Variants in TTC28 observed in about 807,000 individuals in gnomAD.
TTC28 encodes tetratricopeptide repeat protein 28.
Under a neutral mutation model 198.0 loss-of-function variants are expected in TTC28, and 61 were observed. The ratio of observed to expected loss-of-function variants is 0.31; its 90% CI spans 0.25 to 0.38. The LOEUF (loss-of-function observed/expected upper bound fraction) is 0.38, where lower values mean the gene tolerates loss of function less well. Ranked by LOEUF, TTC28 falls within the 10% of genes least tolerant of loss-of-function variation. The pLI, the probability that TTC28 is intolerant of heterozygous loss-of-function variation, is 1.00. For synonymous variants in TTC28, 1,171 were observed against 1,297.8 expected (o/e 0.90, Z 2.10); for missense variants, 2,678 against 3,164.0 (o/e 0.85, Z 3.69).
chr22:28,226,403 C>CT (rs1456978156), intron 5 of TTC28, among the ~76,000 whole-genome samples: 5 of 151,948 alleles, frequency 3.3e-5, no homozygotes, highest in African/African-American at 1.2e-4. Flanking sequence ...TGATGTTGAG[C>CT]TTTTTCTGTT....
At chr22:28,657,451 C>A (rs932783367) in intron 1 of TTC28, among the ~76,000 whole-genome samples, 2 of 152,182 alleles carry the variant, frequency 1.3e-5, no homozygotes, top group Admixed American at 1.3e-4. Context: ...CTAAGCAATA[C>A]AGAATAAAGT....
At chr22:28,370,134 T>C (rs912987117) in intron 2 of TTC28, among the ~76,000 whole-genome samples, 1 of 152,116 alleles carries the variant, frequency 6.6e-6, no homozygotes, top group African/African-American at 2.4e-5. Context: ...TATCAAAGTA[T>C]TTACTCCCCA....
intron 5 of TTC28, among the ~76,000 whole-genome samples, chr22:28,261,174 G>A (rs750342229): frequency 4.6e-5 from 7 of 152,082 alleles, no homozygotes; most frequent in African/African-American, 9.7e-5. Flanking sequence ...GTTATAGAGC[G>A]CCTACTATGT....
chr22:28,254,017 T>C (rs1053833548), intron 5 of TTC28, among the ~76,000 whole-genome samples: 5 of 151,616 alleles, frequency 3.3e-5, no homozygotes, highest in Admixed American at 1.3e-4. Flanking sequence ...GACAGGAGGA[T>C]TGCTTGAACC....
chr22:28,322,965 C>T (rs1000853158), intron 2 of TTC28, among the ~76,000 whole-genome samples: 6 of 152,170 alleles, frequency 3.9e-5, no homozygotes, highest in African/African-American at 1.4e-4. Flanking sequence ...TTCTACTGCC[C>T]TCTCTTATAA....
intron 6 of TTC28, among the ~76,000 whole-genome samples, chr22:28,128,434 A>G (rs1424846388): frequency 6.6e-6 from 1 of 152,248 alleles, no homozygotes; most frequent in Non-Finnish European, 1.5e-5. Context: ...CAGTTTGCTC[A>G]CCTAAGAAAC....
intron 5 of TTC28, among the ~76,000 whole-genome samples, chr22:28,205,706 A>T (rs993400050): frequency 4.6e-5 from 7 of 152,114 alleles, no homozygotes; most frequent in African/African-American, 1.7e-4. Flanking sequence ...CCAACTCTGA[A>T]ATGAAGGTAT....
chr22:28,179,771 A>G (rs1348655111), intron 5 of TTC28, among the ~76,000 whole-genome samples: 1 of 152,166 alleles, frequency 6.6e-6, no homozygotes, highest in African/African-American at 2.4e-5. Context: ...AGCTACTAAA[A>G]TATTGAGATT....
chr22:28,548,517 C>T (rs1220388125), intron 2 of TTC28, among the ~76,000 whole-genome samples: 2 of 152,196 alleles, frequency 1.3e-5, no homozygotes, highest in African/African-American at 4.8e-5. Context: ...GGTTAACTAG[C>T]TTTCACAAAG....
chr22:28,552,935 C>T (rs1362510562), intron 2 of TTC28, among the ~76,000 whole-genome samples: 5 of 152,248 alleles, frequency 3.3e-5, no homozygotes. Context: ...TGCAGGCGCG[C>T]GCCACCATGC....
chr22:28,591,128 A>T (rs917112102), intron 2 of TTC28, among the ~76,000 whole-genome samples: 1 of 141,476 alleles, frequency 7.1e-6, no homozygotes, highest in Admixed American at 7.3e-5. Context: ...TTTTATTTGG[A>T]GACAGGATCT....
chr22:28,418,499 A>C (rs1026246849), intron 2 of TTC28, among the ~76,000 whole-genome samples: 3 of 152,236 alleles, frequency 2.0e-5, no homozygotes, highest in Non-Finnish European at 4.4e-5. Context: ...ACTGCCCTTA[A>C]TAATGGTATA....
intron 2 of TTC28, among the ~76,000 whole-genome samples, chr22:28,553,166 G>T (rs1393190248): frequency 1.3e-5 from 2 of 152,174 alleles, no homozygotes; most frequent in East Asian, 1.9e-4. Flanking sequence ...GCCTGCCTTG[G>T]CCTCCCAAAG....
chr22:27,985,423 T>C (rs1937176632), intron 21 of TTC28, 67 bp from the exon 22 acceptor site: 2 of 1,277,722 alleles, frequency 1.6e-6, no homozygotes, highest in Non-Finnish European at 2.2e-6. Flanking sequence ...ACATGAGCGC[T>C]ATAGGGCTCC....
chr22:28,276,150 C>G (rs1213759001), intron 5 of TTC28, among the ~76,000 whole-genome samples: 4 of 151,720 alleles, frequency 2.6e-5, no homozygotes, highest in Admixed American at 6.6e-5. Flanking sequence ...TAGCTGGGAT[C>G]ACAGGCATGC....
intron 2 of TTC28, among the ~76,000 whole-genome samples, chr22:28,543,624 T>C (rs1039754704): frequency 6.6e-6 from 1 of 152,136 alleles, no homozygotes; most frequent in African/African-American, 2.4e-5. Context: ...AATTTTCCTA[T>C]GAAGAAAACT....
intron 2 of TTC28, among the ~76,000 whole-genome samples, chr22:28,427,533 T>C (rs2047367680): frequency 6.6e-6 from 1 of 152,118 alleles, no homozygotes; most frequent in South Asian, 2.1e-4. Context: ...GCGCCTGTAA[T>C]CCCAGCTACT....
At chr22:28,643,979 G>C (rs558309587) in intron 1 of TTC28, among the ~76,000 whole-genome samples, 1 of 152,324 alleles carries the variant, frequency 6.6e-6, no homozygotes, top group African/African-American at 2.4e-5. Context: ...ATCAAAAGGT[G>C]AGGGTGTGAA....
rs541651868 is a variant in TTC28, at chr22:28,535,074, A to C, written c.381+94478T>G. On this transcript the variant is annotated intron_variant, in intron 2 of 22. Coordinates refer to ENST00000397906, the MANE Select transcript of TTC28 (RefSeq NM_001145418.2). ...ACTTCAAGTATAATAATAATAAAAA[A>C]AAGAAAGATGACGGCTCTAGGAATA... Among the ~76,000 whole-genome samples the C allele has an allele frequency of 5.3e-5, 8 of 152,324 alleles. No individual in the cohort carries two copies. In the East Asian group the frequency reaches 1.5e-3, roughly 29 times the overall value.
Sources: gnomAD v4.1 joint callset for allele counts (sites outside exome capture counted in the v4.1 genomes callset) on GRCh38, gnomAD v4.1.1 for gene constraint, MANE v1.5 for transcripts, NCBI Gene and HGNC (gene_info 2026-07-23, HGNC 2026-07-21) for gene names.